UNC5C: variants seen among roughly 807,000 people sequenced by gnomAD.
UNC5C encodes the protein unc-5 netrin receptor C.
Under a neutral mutation model 99.8 loss-of-function variants are expected in UNC5C, and 47 were observed. That is an observed-to-expected ratio of 0.47 (90% confidence interval 0.37 to 0.60). The LOEUF (loss-of-function observed/expected upper bound fraction) is 0.60. Ranked by LOEUF, UNC5C falls within the 20% of genes least tolerant of loss-of-function variation. The pLI is 0.00. For missense variants in UNC5C, 1,062 were observed against 1,165.9 expected (o/e 0.91, Z 1.30); for synonymous variants, 487 against 452.2 (o/e 1.08, Z -0.98).
At chr4:95,297,794 T>C (rs1411716270) in intron 3 of UNC5C, among the ~76,000 whole-genome samples, 1 of 152,232 alleles carries the variant, frequency 6.6e-6, no homozygotes, top group Non-Finnish European at 1.5e-5. Flanking sequence ...CTTTTAAATA[T>C]ATCTGAAATC....
chr4:95,384,729 G>A (rs939425808), intron 1 of UNC5C, among the ~76,000 whole-genome samples: 1 of 152,070 alleles, frequency 6.6e-6, no homozygotes. Context: ...GGGATTGGAG[G>A]GATAGAAGAC....
At chr4:95,502,585 G>C (rs1410383086) in intron 1 of UNC5C, among the ~76,000 whole-genome samples, 1 of 152,098 alleles carries the variant, frequency 6.6e-6, no homozygotes, top group East Asian at 1.9e-4. Flanking sequence ...GACTTATATG[G>C]ACAAACATTT....
At chr4:95,213,805 CAT>C (rs1258388867) in intron 10 of UNC5C, among the ~76,000 whole-genome samples, 2 of 152,182 alleles carry the variant, frequency 1.3e-5, no homozygotes, top group Admixed American at 6.5e-5. Flanking sequence ...TGTCTTGTAT[CAT>C]GTGTGGATAG....
intron 4 of UNC5C, among the ~76,000 whole-genome samples, chr4:95,266,480 G>A (rs1038030815): frequency 6.6e-6 from 1 of 152,208 alleles, no homozygotes; most frequent in Non-Finnish European, 1.5e-5. Context: ...TATATGGTAT[G>A]TTCCCAGAAA....
intron 1 of UNC5C, among the ~76,000 whole-genome samples, chr4:95,370,496 A>G (rs928134164): frequency 6.6e-6 from 1 of 152,184 alleles, no homozygotes; most frequent in African/African-American, 2.4e-5. Flanking sequence ...TCCTGGCCAC[A>G]GTTGGGCCTT....
chr4:95,203,491 CA>C (rs1737764560), intron 11 of UNC5C, among the ~76,000 whole-genome samples: 1 of 151,968 alleles, frequency 6.6e-6, no homozygotes, highest in Non-Finnish European at 1.5e-5. Flanking sequence ...TTAATTGAAA[CA>C]GGAGTCTCAC....
intron 7 of UNC5C, among the ~76,000 whole-genome samples, chr4:95,222,547 T>C (rs1010147789): frequency 6.6e-6 from 1 of 152,212 alleles, no homozygotes; most frequent in Admixed American, 6.5e-5. Context: ...TAAACTCTAA[T>C]GGATCTAATT....
At chr4:95,192,913 C>T (rs942970809) in intron 12 of UNC5C, among the ~76,000 whole-genome samples, 6 of 152,176 alleles carry the variant, frequency 3.9e-5, no homozygotes, top group African/African-American at 1.4e-4. Context: ...CTCTCTGCCT[C>T]TCTCTTGTTC....
At chr4:95,520,343 A>G (rs1722318706) in intron 1 of UNC5C, among the ~76,000 whole-genome samples, 2 of 152,108 alleles carry the variant, frequency 1.3e-5, no homozygotes, top group South Asian at 4.1e-4. Flanking sequence ...ACACTTAAAC[A>G]TTTTTCATTT....
intron 5 of UNC5C, among the ~76,000 whole-genome samples, chr4:95,248,917 T>G (rs998294780): frequency 1.3e-5 from 2 of 152,180 alleles, no homozygotes; most frequent in Admixed American, 6.5e-5. Context: ...TCCCATTCAC[T>G]CACTACTCCC....
At chr4:95,189,154 GTCCT>G (rs2149353532) in intron 12 of UNC5C, among the ~76,000 whole-genome samples, 2 of 152,300 alleles carry the variant, frequency 1.3e-5, no homozygotes, top group South Asian at 4.1e-4. Context: ...TGCAGAAGTT[GTCCT>G]TCCTACTGGG....
chr4:95,467,448 A>C (rs1199697921), intron 1 of UNC5C, among the ~76,000 whole-genome samples: 1 of 152,210 alleles, frequency 6.6e-6, no homozygotes, highest in Non-Finnish European at 1.5e-5. Flanking sequence ...AAGCAGGCAC[A>C]ACCCTTGCAG....
chr4:95,221,234 TAATC>T (rs1357958820), intron 7 of UNC5C, among the ~76,000 whole-genome samples: 1 of 152,222 alleles, frequency 6.6e-6, no homozygotes, highest in Non-Finnish European at 1.5e-5. Flanking sequence ...TCAGCAAAAT[TAATC>T]AAAGCTGCTC....
chr4:95,390,847 C>T (rs534531284), intron 1 of UNC5C, among the ~76,000 whole-genome samples: 8 of 152,260 alleles, frequency 5.3e-5, no homozygotes, highest in East Asian at 3.9e-4. Flanking sequence ...CCATCTCAGC[C>T]TCCAGAGTAG....
chr4:95,365,529 A>G (rs576810874), intron 1 of UNC5C, among the ~76,000 whole-genome samples: 50 of 151,486 alleles, frequency 3.3e-4, no homozygotes, highest in Admixed American at 2.5e-3. Flanking sequence ...TTGCTATTAC[A>G]ATAATACCCT....
intron 1 of UNC5C, among the ~76,000 whole-genome samples, chr4:95,457,432 T>C (rs1747471573): frequency 6.6e-6 from 1 of 152,146 alleles, no homozygotes; most frequent in Non-Finnish European, 1.5e-5. Flanking sequence ...TTTCAAAGAA[T>C]TGTGGTAACA....
chr4:95,523,984 A>G (rs576558980), intron 1 of UNC5C, among the ~76,000 whole-genome samples: 1 of 152,324 alleles, frequency 6.6e-6, no homozygotes, highest in East Asian at 1.9e-4. Context: ...AGTTTAATGC[A>G]CGAGAGAAGT....
In UNC5C at chr4:95,202,807, A is replaced by G; in HGVS notation, c.2060T>C (p.Phe687Ser). Residue 687 changes from phenylalanine to serine, a missense_variant, in exon 12 of 16, where the codon TTT becomes TCT. Coordinates refer to ENST00000453304, the MANE Select transcript of UNC5C (RefSeq NM_003728.4). ...CAGCGAGGAGCAGCACAGGGGCCCA[A>G]AGATGGCCAGCTTGAGGCGCTTCGC... is the stretch of plus-strand genomic sequence containing the variant. ...AAAKRLKLAIFGPLCCSSLEY... is the reference protein window; with the variant it reads ...AAAKRLKLAISGPLCCSSLEY... The G allele has an allele frequency of 1.2e-6, 2 of 1,614,250 alleles. No homozygotes were observed. The highest frequency in any genetic ancestry group is 1.7e-6 in the Non-Finnish European group (2 of 1,180,046).
At chr4:95,332,748 G>T (rs1305079182) in intron 2 of UNC5C, among the ~76,000 whole-genome samples, 1 of 150,632 alleles carries the variant, frequency 6.6e-6, no homozygotes, top group Admixed American at 6.7e-5. Context: ...AAGAGCTTCT[G>T]CACAGCAAAA....
Sources: allele counts gnomAD v4.1 joint callset (sites outside exome capture counted in the v4.1 genomes callset), GRCh38; gene constraint gnomAD v4.1.1; transcripts MANE v1.5; gene names NCBI Gene and HGNC (gene_info 2026-07-23, HGNC 2026-07-21).